FTCD: variants seen among roughly 807,000 people sequenced by gnomAD.
FTCD encodes formimidoyltransferase-cyclodeaminase.
In FTCD, 76 loss-of-function variants were observed where a neutral mutation model predicts 62.9. The ratio of observed to expected loss-of-function variants is 1.21; its 90% CI spans 1.00 to 1.46. The LOEUF (loss-of-function observed/expected upper bound fraction) is 1.46. Ranked by LOEUF, FTCD falls within the 40% of genes most tolerant of loss-of-function variation. The probability of loss-of-function intolerance (pLI) is 0.00; values close to 1 mark genes in which losing one functional copy is unlikely to be tolerated. For missense variants in FTCD, 845 were observed against 751.3 expected, an observed-to-expected ratio of 1.12 and a Z score of -1.46; for synonymous variants, 397 against 336.9, an observed-to-expected ratio of 1.18 and a Z score of -1.95.
chr21:46,136,613 C>A, downstream of FTCD: 1 of 1,508,306 alleles, frequency 6.6e-7, no homozygotes, highest in Non-Finnish European at 8.9e-7. Flanking sequence ...GTGGGCTGCA[C>A]TGGGTGTCTG....
At chr21:46,151,450 G>T in intron 5 of FTCD, 108 bp downstream of exon 5, 1 of 976,280 alleles carries the variant, frequency 1.0e-6, no homozygotes, top group Non-Finnish European at 1.5e-6. Flanking sequence ...GCCGAACCCT[G>T]TCCGGCCGGT....
At position 46,145,569 on chromosome 21, in the gene FTCD, G is replaced by A. The variant is rs1157220378; in HGVS notation, c.1108C>T (p.Leu370=). The change falls in exon 10 of 14, where the codon CTG becomes TTG. Residue 370 remains leucine (L), a synonymous_variant. Coordinates refer to ENST00000397746, the MANE Select transcript of FTCD (RefSeq NM_206965.2). The stretch of plus-strand genomic sequence containing the variant: ...GTCATGAGGCCCACCATGGAGCCCA[G>A]CGCCGCACCCTGCGAGAGGGGTGGA... ...AAAAAAMGAA[L]GSMVGLMTYG... 1 of 1,539,256 alleles carries A rather than the reference G, an allele frequency of 6.5e-7. No homozygotes were observed. The highest frequency in any genetic ancestry group is 1.4e-5 in the African/African-American group (1 of 72,766).
chr21:46,138,206 C>T (rs1465585807), intron 12 of FTCD, among the ~76,000 whole-genome samples: 1 of 152,150 alleles, frequency 6.6e-6, no homozygotes, highest in African/African-American at 2.4e-5. Context: ...TAGGTGTTTT[C>T]TAGAACAAGA....
In FTCD at chr21:46,146,214, G is replaced by A. The variant is rs564843158; in HGVS notation, c.968+52C>T. ...GGGACCCCAGCGCCCCGCAAGGCCC[G>A]AGAGGCAGAGCCCGGGAGGGGTGAG... is the stretch of plus-strand genomic sequence containing the variant. On this transcript the variant is annotated intron_variant, in intron 8 of 13. Coordinates refer to ENST00000397746, the MANE Select transcript of FTCD (RefSeq NM_206965.2). 6.7e-6 allele frequency: 9 copies of A among 1,334,792 alleles called. No homozygotes were observed. In the East Asian group the frequency reaches 7.2e-5, roughly 11 times the overall value. The allele number at this position is 1,334,792 out of a possible 1,614,324, so 82.7% of individuals were successfully genotyped here.
chr21:46,143,141 G>T (rs1488081513), intron 10 of FTCD, among the ~76,000 whole-genome samples: 1 of 152,166 alleles, frequency 6.6e-6, no homozygotes, highest in African/African-American at 2.4e-5. Flanking sequence ...GCCTGTGTGT[G>T]GATTCCACGT....
intron 7 of FTCD, among the ~76,000 whole-genome samples, chr21:46,147,638 G>T (rs1045289284): frequency 3.9e-5 from 6 of 152,028 alleles, no homozygotes; most frequent in African/African-American, 1.5e-4. Context: ...GGCCCTTCAG[G>T]TAAAGAAGAC....
At chr21:46,140,552 C>T (rs1248438287) in intron 10 of FTCD, among the ~76,000 whole-genome samples, 46 of 122,610 alleles carry the variant, frequency 3.8e-4, no homozygotes, top group Middle Eastern at 6.6e-3. Flanking sequence ...TGTAAACCAA[C>T]CCAGCACTCC....
At chr21:46,138,266 G>A (rs180758565) in intron 12 of FTCD, among the ~76,000 whole-genome samples, 1 of 152,342 alleles carries the variant, frequency 6.6e-6, no homozygotes, top group South Asian at 2.1e-4. Flanking sequence ...TTATACAGTG[G>A]TCAGGGTGGG....
chr21:46,154,408 C>T, intron 1 of FTCD, 76 bp from the exon 2 acceptor site: 1 of 1,497,474 alleles, frequency 6.7e-7, no homozygotes, highest in Admixed American at 1.9e-5. Flanking sequence ...GGTGGCTGCA[C>T]CCCGAGACAC....
In FTCD at chr21:46,154,153, G is replaced by T; in HGVS notation, c.234C>A (p.His78Gln). The T allele has an allele frequency of 6.2e-7, 1 of 1,612,794 alleles. No individual in the cohort carries two copies. Among genetic ancestry groups the T allele is most frequent in the Non-Finnish European group, 8.5e-7 (1 of 1,179,942 alleles). Residue 78 changes from histidine to glutamine, a missense_variant, in exon 2 of 14, where the codon CAC becomes CAA. Coordinates refer to ENST00000397746, the MANE Select transcript of FTCD (RefSeq NM_206965.2). ...AGGAGAGCCCAGAGACCTCACCTTG[G>T]TGCCTGCTCATGTCGATAAGTCGGG... ...VASRLIDMSRHQGEHPRMGAL... is the reference protein window; with the variant it reads ...VASRLIDMSRQQGEHPRMGAL...
At chr21:46,142,502 T>TA (rs961185631) in intron 10 of FTCD, 5 of 152,312 alleles carry the variant, frequency 3.3e-5, no homozygotes, top group African/African-American at 1.2e-4. Flanking sequence ...GTTACAGCTC[T>TA]TACAGGTGGC....
chr21:46,143,751 G>A (rs1283905035), intron 10 of FTCD, among the ~76,000 whole-genome samples: 1 of 152,158 alleles, frequency 6.6e-6, no homozygotes, highest in African/African-American at 2.4e-5. Flanking sequence ...CATGGTCTAT[G>A]GTAGTGTCAG....
intron 10 of FTCD, among the ~76,000 whole-genome samples, chr21:46,144,251 C>T (rs1438625578): frequency 6.6e-6 from 1 of 151,424 alleles, no homozygotes; most frequent in African/African-American, 2.4e-5. Context: ...GTAGTGGTCC[C>T]CCGGGCCCAG....
intron 12 of FTCD, among the ~76,000 whole-genome samples, chr21:46,137,707 C>T (rs549154931): frequency 1.1e-4 from 17 of 152,274 alleles, no homozygotes; most frequent in Admixed American, 5.9e-4. Context: ...ACTGAGGGGA[C>T]ACTTCTCTGG....
At chr21:46,150,010 A>AG in intron 7 of FTCD, 109 bp downstream of exon 7, 1 of 1,002,130 alleles carries the variant, frequency 1.0e-6, no homozygotes. Flanking sequence ...AATAAAATGA[A>AG]GGGGGAGGAG....
At chr21:46,136,775 C>A (rs527795472), downstream of FTCD, 2 of 1,512,304 alleles carry the variant, frequency 1.3e-6, no homozygotes, top group Non-Finnish European at 1.8e-6. Flanking sequence ...ACACACAACA[C>A]AGGTTTGGTG....
chr21:46,150,915 CTG>C (rs1472737562), intron 5 of FTCD, among the ~76,000 whole-genome samples: 2 of 152,230 alleles, frequency 1.3e-5, no homozygotes, highest in African/African-American at 4.8e-5. Context: ...GTCGGGGTGA[CTG>C]AGTCCACGTG....
rs2079117386 is a variant in FTCD at position 46,145,452 on chromosome 21, C to G, written c.1225G>C (p.Val409Leu). The G allele has an allele frequency of 1.3e-6, 2 of 1,560,180 alleles. No homozygotes were observed. Among genetic ancestry groups the G allele is most frequent in the Non-Finnish European group, 1.7e-6 (2 of 1,153,098 alleles). ...REASAKLTTL[V>L]DADAEAFTAY... is the part of the protein sequence containing the mutation. ...GTGAAGGCCTCGGCGTCGGCATCCA[C>G]CAGCGTGGTTAGCTTGGCCGAAGCC... Residue 409 changes from valine to leucine, a missense_variant, in exon 10 of 14, where the codon GTG (valine) becomes CTG (leucine). Val to Leu is a conservative substitution (Grantham distance 32). Coordinates refer to ENST00000397746, the MANE Select transcript of FTCD (RefSeq NM_206965.2).
At position 46,154,077 on chromosome 21, in the gene FTCD, C is replaced by T. The variant is rs1383596696; in HGVS notation, c.238+72G>A. 4.6e-6 allele frequency: 7 copies of T among 1,520,848 alleles called. No homozygotes were observed. The Admixed American group carries it at 8.4e-5, about 18-fold the overall frequency. The allele number at this position is 1,520,848 out of a possible 1,614,324, so 94.2% of individuals were successfully genotyped here. A position where few individuals can be genotyped will look rare whatever the true frequency, so the allele number is the denominator to read the frequency against. On this transcript the variant is annotated intron_variant, in intron 2 of 13. Transcript: ENST00000397746. ...TGGGCCCCGGGCCTACCCCCTCTCC[C>T]AGGACACCAGGACAGGGCTCGGCCC...
Sources: gnomAD v4.1 joint callset for allele counts (sites outside exome capture counted in the v4.1 genomes callset) on GRCh38, gnomAD v4.1.1 for gene constraint, MANE v1.5 for transcripts, NCBI Gene and HGNC (gene_info 2026-07-23, HGNC 2026-07-21) for gene names.